The following SIM2 variants were observed in gnomAD, a reference collection of about 807,000 sequenced individuals.
SIM2 encodes single-minded homolog 2.
In SIM2, 28 loss-of-function variants were observed where a neutral mutation model predicts 64.8. The observed-to-expected ratio is 0.43, with a 90% CI of 0.32 to 0.59. The LOEUF (loss-of-function observed/expected upper bound fraction) is 0.59, where lower values mean the gene tolerates loss of function less well. Ranked by LOEUF, SIM2 falls within the 20% of genes least tolerant of loss-of-function variation. The pLI is 0.07. For synonymous variants in SIM2, 408 were observed against 391.1 expected (o/e 1.04, Z -0.51); for missense variants, 847 against 871.4 (o/e 0.97, Z 0.35).
At chr21:36,746,908 T>A (rs922691656) in intron 10 of SIM2, among the ~76,000 whole-genome samples, 4 of 152,172 alleles carry the variant, frequency 2.6e-5, no homozygotes, top group African/African-American at 9.7e-5. Context: ...AGGTTAACAA[T>A]CTCCTTATCA....
intron 3 of SIM2, among the ~76,000 whole-genome samples, chr21:36,717,178 T>C (rs1243779274): frequency 1.1e-4 from 17 of 152,146 alleles, no homozygotes; most frequent in Admixed American, 1.0e-3. Context: ...CATAAGAACC[T>C]ACTCTGGGAT....
intron 7 of SIM2, among the ~76,000 whole-genome samples, chr21:36,738,391 G>A (rs1201951812): frequency 1.3e-5 from 2 of 152,102 alleles, no homozygotes; most frequent in African/African-American, 2.4e-5. Context: ...TGTAATCCCA[G>A]CTACTCGGGA....
intron 7 of SIM2, among the ~76,000 whole-genome samples, chr21:36,739,270 T>C (rs1204219903): frequency 6.6e-6 from 1 of 152,230 alleles, no homozygotes; most frequent in East Asian, 1.9e-4. Context: ...TTATCCTTTT[T>C]TTATAAATGA....
At chr21:36,705,438 G>T (rs889665382) in intron 1 of SIM2, among the ~76,000 whole-genome samples, 15 of 152,244 alleles carry the variant, frequency 9.9e-5, no homozygotes, top group Non-Finnish European at 1.9e-4. Flanking sequence ...CCTGGGGCGG[G>T]TGGTAATTGG....
At chr21:36,731,597 C>T (rs2088969557) in intron 7 of SIM2, among the ~76,000 whole-genome samples, 1 of 152,152 alleles carries the variant, frequency 6.6e-6, no homozygotes, top group Admixed American at 6.5e-5. Context: ...TGCTGAGGTC[C>T]AGATAGGTTA....
chr21:36,712,297 A>G (rs1216128097), intron 2 of SIM2, among the ~76,000 whole-genome samples: 1 of 152,184 alleles, frequency 6.6e-6, no homozygotes, highest in African/African-American at 2.4e-5. Flanking sequence ...TGTGATGTGG[A>G]TGTATGATTG....
chr21:36,704,431 A>G (rs988499096), intron 1 of SIM2, among the ~76,000 whole-genome samples: 2 of 152,252 alleles, frequency 1.3e-5, no homozygotes, highest in East Asian at 3.8e-4. Context: ...GAAGCCTGCC[A>G]GGCTGCAGCT....
In SIM2 at chr21:36,748,144, C is replaced by T; in HGVS notation, c.*52C>T. Reference sequence around the variant, plus strand: ...TGGACCCGGCCTCCCGGGGCTGCGGCGCCACCGAGCCCGGCAAATGCGCAC... The same window carrying T: ...TGGACCCGGCCTCCCGGGGCTGCGGTGCCACCGAGCCCGGCAAATGCGCAC... On this transcript the variant is annotated 3_prime_UTR_variant, in exon 11 of 11. Transcript: ENST00000290399. 1 of 1,008,112 alleles carries T rather than the reference C, an allele frequency of 9.9e-7. No individual in the cohort carries two copies. The highest frequency in any genetic ancestry group is 1.2e-6 in the Non-Finnish European group (1 of 808,954). The allele number at this position is 1,008,112 out of a possible 1,614,324, so 62.4% of individuals were successfully genotyped here.
rs1304159882 is a variant in SIM2 at position 36,699,940 on chromosome 21, G to T, written c.175+19G>T. 1 of 1,579,310 alleles carries T rather than the reference G, an allele frequency of 6.3e-7. No individual in the cohort carries two copies. The highest frequency in any genetic ancestry group is 2.3e-5 in the East Asian group (1 of 42,854). On this transcript the variant is annotated intron_variant, in intron 1 of 10. Coordinates refer to ENST00000290399, the MANE Select transcript of SIM2 (RefSeq NM_005069.6). The surrounding 1 kb of genome is among the most constrained non-coding windows in gnomAD (Gnocchi z 5.6). The stretch of plus-strand genomic sequence containing the variant: ...CCCGAAGGTGAGGCCTCAGGTGGGC[G>T]GCCGGGGACGCTGGGGAGCCCGGCG...
At chr21:36,709,096 C>A (rs80031272) in intron 1 of SIM2, 72 bp from the exon 2 acceptor site, 46,357 of 1,377,568 alleles carry the variant, frequency 0.034, 1,154 homozygotes, top group South Asian at 0.099. Flanking sequence ...AGGGGTTCCG[C>A]GTGACCTGCC....
In SIM2 at chr21:36,709,164, C is replaced by T; in HGVS notation, c.176-4C>T. 1 of 1,607,102 alleles carries T rather than the reference C, an allele frequency of 6.2e-7. No individual in the cohort carries two copies. The highest frequency in any genetic ancestry group is 8.5e-7 in the Non-Finnish European group (1 of 1,177,610). ...TTACCGATTTGCTTTCGTCCCTCGT[C>T]CAGGTTTAGGAGACGCGTGGGGACA... is the stretch of plus-strand genomic sequence containing the variant. On this transcript the variant is annotated splice_polypyrimidine_tract_variant and splice_region_variant and intron_variant, in intron 1 of 10. Coordinates refer to ENST00000290399, the MANE Select transcript of SIM2 (RefSeq NM_005069.6).
At chr21:36,719,327 C>T (rs146623315) in intron 3 of SIM2, among the ~76,000 whole-genome samples, 217 of 152,402 alleles carry the variant, frequency 1.4e-3, no homozygotes, top group Admixed American at 4.0e-3. Flanking sequence ...GGCGCAGTGG[C>T]GCCCCTGCCG....
At chr21:36,719,618 TTTAGACAG>T (rs1174458809) in intron 3 of SIM2, among the ~76,000 whole-genome samples, 195 bp from the exon 4 acceptor site, 1 of 152,190 alleles carries the variant, frequency 6.6e-6, no homozygotes, top group East Asian at 1.9e-4. Flanking sequence ...CCATGGCCTT[TTTAGACAG>T]TGTGGGAGAC....
At position 36,744,595 on chromosome 21, in the gene SIM2, C is replaced by A. The variant is rs1472434276; in HGVS notation, c.1168-133C>A. 19 of 1,111,652 alleles carry A rather than the reference C, an allele frequency of 1.7e-5. No individual in the cohort carries two copies. The Admixed American group carries it at 2.3e-4, about 13-fold the overall frequency. The allele number at this position is 1,111,652 out of a possible 1,614,324, so 68.9% of individuals were successfully genotyped here. On this transcript the variant is annotated intron_variant, in intron 9 of 10. Coordinates refer to ENST00000290399, the MANE Select transcript of SIM2 (RefSeq NM_005069.6). ...CGCTGTGTGCCTGTCCCCAGTGGGA[C>A]CTTGCAGTGGTGGCGAGGGTAGGGG...
chr21:36,718,784 C>T (rs75129166), intron 3 of SIM2, among the ~76,000 whole-genome samples: 2,891 of 152,308 alleles, frequency 0.019, 86 homozygotes, highest in African/African-American at 0.067. Flanking sequence ...CCCACCACTG[C>T]TCAGAAGGCT....
chr21:36,723,012 C>T (rs751259030), intron 4 of SIM2, 33 bp from the exon 5 acceptor site: 1 of 1,565,230 alleles, frequency 6.4e-7, no homozygotes, highest in Non-Finnish European at 8.8e-7. Context: ...CACGGAGGGA[C>T]AGCTGCCAAC....
intron 1 of SIM2, among the ~76,000 whole-genome samples, chr21:36,706,312 C>T (rs1034172881): frequency 2.6e-5 from 4 of 152,304 alleles, no homozygotes; most frequent in Non-Finnish European, 5.9e-5. Context: ...AACAGCACAG[C>T]GTCCCCACAG....
At chr21:36,709,670 A>C (rs2088647691) in intron 2 of SIM2, 2 of 353,954 alleles carry the variant, frequency 5.7e-6, no homozygotes, top group Non-Finnish European at 1.1e-5. Flanking sequence ...GTGTGTGTGC[A>C]AGGGGCGCAA....
At chr21:36,702,942 G>GAAAA (rs571164346) in intron 1 of SIM2, among the ~76,000 whole-genome samples, 2 of 143,248 alleles carry the variant, frequency 1.4e-5, no homozygotes, top group Admixed American at 1.4e-4. Flanking sequence ...CTGGGAGGAA[G>GAAAA]AAAAAAAAAA....
Sources: allele counts gnomAD v4.1 joint callset (sites outside exome capture counted in the v4.1 genomes callset), GRCh38; gene constraint gnomAD v4.1.1; non-coding constraint Gnocchi (gnomAD v3.1); transcripts MANE v1.5; gene names NCBI Gene and HGNC (gene_info 2026-07-23, HGNC 2026-07-21).